The following LMX1A variants were observed in gnomAD, a reference collection of about 807,000 sequenced individuals.
LMX1A encodes LIM homeobox transcription factor 1 alpha.
In LMX1A, 15 loss-of-function variants were observed where a neutral mutation model predicts 49.1. The ratio of observed to expected loss-of-function variants is 0.31; its 90% CI spans 0.20 to 0.47. LMX1A has a LOEUF of 0.47. Ranked by LOEUF, LMX1A falls within the 20% of genes least tolerant of loss-of-function variation. The pLI is 1.00. For synonymous variants in LMX1A, 167 were observed against 185.7 expected (o/e 0.90, Z 0.82); for missense variants, 372 against 475.8 (o/e 0.78, Z 2.03).
At chr1:165,255,887 C>T (rs187437382) in intron 3 of LMX1A, among the ~76,000 whole-genome samples, 35 of 152,064 alleles carry the variant, frequency 2.3e-4, no homozygotes, top group Admixed American at 1.1e-3. Flanking sequence ...GCAGGAGAAT[C>T]GCTTGAACGC....
chr1:165,234,287 C>A (rs1652347939), intron 4 of LMX1A, among the ~76,000 whole-genome samples: 1 of 152,118 alleles, frequency 6.6e-6, no homozygotes, highest in African/African-American at 2.4e-5. Context: ...CATTTCATCG[C>A]CGGCAAGTTA....
At chr1:165,277,934 T>C (rs1654018568) in intron 3 of LMX1A, among the ~76,000 whole-genome samples, 1 of 152,248 alleles carries the variant, frequency 6.6e-6, no homozygotes, top group East Asian at 1.9e-4. Context: ...GCTTTAAGTG[T>C]TTTTATGTGA....
At chr1:165,286,862 G>GA in intron 3 of LMX1A, among the ~76,000 whole-genome samples, 1 of 152,110 alleles carries the variant, frequency 6.6e-6, no homozygotes, top group African/African-American at 2.4e-5. Flanking sequence ...GAAATAATTA[G>GA]AAAAAAGTAA....
At chr1:165,236,970 A>G (rs1652471189) in intron 4 of LMX1A, among the ~76,000 whole-genome samples, 1 of 151,994 alleles carries the variant, frequency 6.6e-6, no homozygotes, top group Admixed American at 6.6e-5. Context: ...GTTTCCTTCT[A>G]CAAGAATGTA....
At chr1:165,245,068 A>G (rs1394437) in intron 4 of LMX1A, among the ~76,000 whole-genome samples, 100,478 of 151,892 alleles carry the variant, frequency 0.66, 34,339 homozygotes, top group African/African-American at 0.83. Context: ...TCAGCATCAC[A>G]GAACCATAGA....
intron 4 of LMX1A, among the ~76,000 whole-genome samples, chr1:165,241,997 C>G (rs1652671716): frequency 6.6e-6 from 1 of 152,174 alleles, no homozygotes; most frequent in Non-Finnish European, 1.5e-5. Flanking sequence ...TTCACAGACT[C>G]CAGCAGATGT....
At chr1:165,246,120 T>G (rs1404905371) in intron 4 of LMX1A, among the ~76,000 whole-genome samples, 1 of 152,152 alleles carries the variant, frequency 6.6e-6, no homozygotes, top group Non-Finnish European at 1.5e-5. Flanking sequence ...AACAATGAGA[T>G]GGACTTCATT....
At chr1:165,263,950 A>C (rs1653536063) in intron 3 of LMX1A, among the ~76,000 whole-genome samples, 1 of 152,188 alleles carries the variant, frequency 6.6e-6, no homozygotes, top group South Asian at 2.1e-4. Flanking sequence ...CAAGCTCCTG[A>C]TATGGTAGTG....
At chr1:165,306,881 A>ACCAC (rs1654933615) in intron 3 of LMX1A, among the ~76,000 whole-genome samples, 1 of 152,122 alleles carries the variant, frequency 6.6e-6, no homozygotes, top group African/African-American at 2.4e-5. Context: ...TGTGCGCCAT[A>ACCAC]CCACCCTCCT....
chr1:165,345,145 A>G (rs1223665051), intron 3 of LMX1A, among the ~76,000 whole-genome samples: 1 of 152,252 alleles, frequency 6.6e-6, no homozygotes, highest in Non-Finnish European at 1.5e-5. Context: ...AATGAGCTTA[A>G]GAGGCTAATC....
At chr1:165,277,907 C>A (rs1051598260) in intron 3 of LMX1A, among the ~76,000 whole-genome samples, 1 of 152,206 alleles carries the variant, frequency 6.6e-6, no homozygotes, top group Admixed American at 6.5e-5. Flanking sequence ...AGTCTATGGA[C>A]ACCCAGAAAT....
intron 3 of LMX1A, among the ~76,000 whole-genome samples, chr1:165,330,163 G>T (rs1655704224): frequency 6.6e-6 from 1 of 152,194 alleles, no homozygotes; most frequent in Non-Finnish European, 1.5e-5. Context: ...TAATAACAGG[G>T]TCACAAAAGT....
rs116272737 is a variant in LMX1A, at chr1:165,232,977, C to T, written c.496+16431G>A. Reference sequence around the variant, plus strand: ...GGTGGTGTAGGAATAGGATGTTGAACGGACCAGCAGAAGTCCCAATACTTA... The same window carrying T: ...GGTGGTGTAGGAATAGGATGTTGAATGGACCAGCAGAAGTCCCAATACTTA... On this transcript the variant is annotated intron_variant, in intron 4 of 8. Coordinates refer to ENST00000342310, the MANE Select transcript of LMX1A (RefSeq NM_177398.4). 1.4e-3 allele frequency among the ~76,000 whole-genome samples: 208 copies of T among 152,292 alleles called. 1 individual carries two copies. Among genetic ancestry groups the T allele is most frequent in the Non-Finnish European group, 1.6e-3 (107 of 68,018 alleles).
chr1:165,300,434 G>C (rs1654747070), intron 3 of LMX1A, among the ~76,000 whole-genome samples: 1 of 152,150 alleles, frequency 6.6e-6, no homozygotes. Flanking sequence ...TTAAAACCTT[G>C]AGCTGACCCA....
chr1:165,285,588 C>T lies in LMX1A; in HGVS notation c.264-35948G>A, dbSNP rs138696205. ...GTGAACACATGCTTATGGGCTTCCT[C>T]GGGAAGATTATGAAAGAGCCTGAGG... On this transcript the variant is annotated intron_variant, in intron 3 of 8. Coordinates refer to ENST00000342310, the MANE Select transcript of LMX1A (RefSeq NM_177398.4). 4.0e-3 allele frequency among the ~76,000 whole-genome samples: 614 copies of T among 152,270 alleles called. 4 individuals carry two copies. Among genetic ancestry groups the T allele is most frequent in the Non-Finnish European group, 4.7e-3 (321 of 68,032 alleles).
At chr1:165,243,215 T>G (rs1652720978) in intron 4 of LMX1A, among the ~76,000 whole-genome samples, 1 of 152,200 alleles carries the variant, frequency 6.6e-6, no homozygotes, top group African/African-American at 2.4e-5. Context: ...TTTTTATTTT[T>G]AAAAGTTTTT....
At chr1:165,319,034 C>T (rs1371053684) in intron 3 of LMX1A, among the ~76,000 whole-genome samples, 2 of 143,186 alleles carry the variant, frequency 1.4e-5, no homozygotes, top group African/African-American at 2.6e-5. Context: ...CACACACACA[C>T]ACACACACCC....
chr1:165,312,596 T>C (rs1186415934), intron 3 of LMX1A, among the ~76,000 whole-genome samples: 1 of 152,126 alleles, frequency 6.6e-6, no homozygotes, highest in African/African-American at 2.4e-5. Context: ...CACTATGCTG[T>C]AAGGAAGCCC....
intron 4 of LMX1A, among the ~76,000 whole-genome samples, chr1:165,214,051 T>C (rs1291331146): frequency 6.6e-6 from 1 of 152,210 alleles, no homozygotes; most frequent in African/African-American, 2.4e-5. Context: ...CACAGCATCA[T>C]ATCCTGGCTC....
Sources: gnomAD v4.1 joint callset for allele counts (sites outside exome capture counted in the v4.1 genomes callset) on GRCh38, gnomAD v4.1.1 for gene constraint, MANE v1.5 for transcripts, NCBI Gene and HGNC (gene_info 2026-07-23, HGNC 2026-07-21) for gene names.